CLSTN1: variants seen among roughly 807,000 people sequenced by gnomAD.
The protein encoded by CLSTN1 is calsyntenin 1, also known as calsyntenin-1.
CLSTN1 carries 28 observed loss-of-function variants against 108.3 expected under a neutral mutation model. That is an observed-to-expected ratio of 0.26 (90% CI 0.19 to 0.35). The LOEUF is 0.35. Among genes scored for constraint, CLSTN1 ranks in the 10% least tolerant of loss-of-function variants. The pLI, the probability that CLSTN1 is intolerant of heterozygous loss-of-function variation, is 1.00. For missense variants in CLSTN1, 1,157 were observed against 1,302.6 expected (o/e 0.89, Z 1.72); for synonymous variants, 524 against 534.9 (o/e 0.98, Z 0.28).
intron 7 of CLSTN1, among the ~76,000 whole-genome samples, chr1:9,745,766 T>G (rs1376626973): frequency 1.4e-5 from 1 of 73,316 alleles, no homozygotes; most frequent in Non-Finnish European, 2.3e-5. Flanking sequence ...TGAATAGTTG[T>G]TTTTTTTTTT....
At position 9,784,983 on chromosome 1, in the gene CLSTN1, C is replaced by G. The variant is rs148984233; in HGVS notation, c.92-11589G>C. Among the ~76,000 whole-genome samples, 713 of 151,162 alleles carry G rather than the reference C, an allele frequency of 4.7e-3. 3 individuals carry two copies. Among genetic ancestry groups the G allele is most frequent in the African/African-American group, 0.016 (639 of 41,114 alleles). Reference sequence around the variant, plus strand: ...ATCTCTGGGTCTCTAAGTATTGTCCCTAGTCATAAATTCTTTTTTTTTTTT... The same window carrying G: ...ATCTCTGGGTCTCTAAGTATTGTCCGTAGTCATAAATTCTTTTTTTTTTTT... On this transcript the variant is annotated intron_variant, in intron 1 of 18. Coordinates refer to ENST00000377298, the MANE Select transcript of CLSTN1 (RefSeq NM_001009566.3).
chr1:9,756,509 C>T lies in CLSTN1; in HGVS notation c.216G>A (p.Glu72=). The T allele has an allele frequency of 6.2e-7, 1 of 1,612,494 alleles. No individual in the cohort carries two copies. The part of the protein sequence containing the change: ...LDKDAPLRFA[E]SFEVTVTKEG... ...CTTTGGTGACTGTCACCTCAAAACT[C>T]TCTAAAGGGAGAAAAGATAAGCCCA... The change falls in exon 3 of 19, where the codon GAG becomes GAA. Residue 72 remains glutamate (E), a splice_region_variant and synonymous_variant. Transcript: ENST00000377298.
intron 7 of CLSTN1, among the ~76,000 whole-genome samples, chr1:9,744,985 C>T (rs1297586612): frequency 6.6e-6 from 1 of 152,194 alleles, no homozygotes; most frequent in East Asian, 1.9e-4. Flanking sequence ...AACTCCTGAC[C>T]TCGTGATCCG....
At chr1:9,767,463 T>C (rs1005054890) in intron 2 of CLSTN1, among the ~76,000 whole-genome samples, 66 of 150,912 alleles carry the variant, frequency 4.4e-4, no homozygotes, top group Admixed American at 1.6e-3. Flanking sequence ...GAGAATTGCT[T>C]GAACCCAGGA....
intron 4 of CLSTN1, among the ~76,000 whole-genome samples, 180 bp downstream of exon 4, chr1:9,754,934 G>A (rs1223389833): frequency 1.3e-5 from 2 of 152,128 alleles, no homozygotes; most frequent in African/African-American, 2.4e-5. Flanking sequence ...TGTATACAAG[G>A]GTAGAGAGAC....
At chr1:9,810,098 A>G (rs2101312018) in intron 1 of CLSTN1, among the ~76,000 whole-genome samples, 1 of 2,546 alleles carries the variant, frequency 3.9e-4, no homozygotes, top group Non-Finnish European at 8.3e-4. Context: ...GGAAGGAGGG[A>G]GGGAGGGAGA....
chr1:9,811,629 A>G (rs761305113), intron 1 of CLSTN1, among the ~76,000 whole-genome samples: 4 of 151,998 alleles, frequency 2.6e-5, no homozygotes, highest in Non-Finnish European at 4.4e-5. Context: ...TGTTCCTTTA[A>G]TAATTTTAGC....
chr1:9,778,223 A>AACACACACACACAC lies in CLSTN1; in HGVS notation c.92-4843_92-4830dup, dbSNP rs57372437. On this transcript the variant is annotated intron_variant, in intron 1 of 18. Transcript: ENST00000377298. ...GGTGGTGGTGTTATTTCTCCTCCCCAACACACACACACACACACACACACA... is the reference window on the plus strand; with the variant it reads ...GGTGGTGGTGTTATTTCTCCTCCCCAACACACACACACACACACACACACACACACACACACACA... 1.1e-3 allele frequency among the ~76,000 whole-genome samples: 144 copies of AACACACACACACAC among 134,502 alleles called. 2 individuals are homozygous for AACACACACACACAC. The highest frequency in any genetic ancestry group is 2.1e-3 in the African/African-American group (75 of 36,052). The allele number at this position is 134,502 out of a possible 152,430, so 88.2% of individuals were successfully genotyped here.
intron 1 of CLSTN1, among the ~76,000 whole-genome samples, chr1:9,817,455 G>A (rs1035107234): frequency 3.3e-5 from 5 of 151,996 alleles, no homozygotes; most frequent in Admixed American, 3.3e-4. Context: ...AGCCTCCCGA[G>A]TAGCTGGGAT....
rs186533239 is a variant in CLSTN1, at chr1:9,751,607, G to T, written c.515C>A (p.Thr172Lys). 5.0e-6 allele frequency: 8 copies of T among 1,614,158 alleles called. No individual in the cohort carries two copies. In the East Asian group the frequency reaches 6.7e-5, roughly 13 times the overall value. The change falls in exon 5 of 19, where the codon ACG becomes AAG. Residue 172 changes from threonine to lysine, a missense_variant. Transcript: ENST00000377298. ...GTCGTACTGCTTCCCCTCGATGACC[G>T]TGGCTTTGTAGGACTTCTCCTTGAA... ...PVFKEKSYKA[T>K]VIEGKQYDSI...
chr1:9,794,798 C>A (rs1341414318), intron 1 of CLSTN1, among the ~76,000 whole-genome samples: 2 of 151,498 alleles, frequency 1.3e-5, no homozygotes, highest in South Asian at 2.2e-4. Context: ...CATCCTTAAT[C>A]AAAACATAAC....
intron 16 of CLSTN1, among the ~76,000 whole-genome samples, chr1:9,732,227 G>A (rs930841113): frequency 2.0e-5 from 3 of 151,974 alleles, no homozygotes; most frequent in African/African-American, 7.3e-5. Context: ...TTGCTGTGTT[G>A]CCCGGGCTGG....
chr1:9,765,465 T>C (rs1190810840), intron 2 of CLSTN1, among the ~76,000 whole-genome samples: 1 of 151,420 alleles, frequency 6.6e-6, no homozygotes. Flanking sequence ...AGGGGGATCT[T>C]GAGGTCAAGA....
chr1:9,785,565 C>T (rs1206839333), intron 1 of CLSTN1, among the ~76,000 whole-genome samples: 4 of 152,120 alleles, frequency 2.6e-5, no homozygotes, highest in Non-Finnish European at 5.9e-5. Context: ...AGCAGCATCC[C>T]GGCCTCAAAA....
chr1:9,733,979 G>A lies in CLSTN1; in HGVS notation c.2274C>T (p.Thr758=). 2 of 1,613,234 alleles carry A rather than the reference G, an allele frequency of 1.2e-6. No individual in the cohort carries two copies. The highest frequency in any genetic ancestry group is 8.5e-7 in the Non-Finnish European group (1 of 1,179,616). ...IEVSSSELGM[T]FTGVDTMASY... The stretch of plus-strand genomic sequence containing the variant: ...CTGCAGCGCTCCCCTTACCTGTGAA[G>A]GTCATGCCCAGTTCAGAGCTGCTCA... Residue 758 remains threonine (T), a synonymous_variant, in exon 15 of 19, where the codon ACC becomes ACT. Transcript: ENST00000377298.
chr1:9,766,293 ATCT>A (rs1652327857), intron 2 of CLSTN1, among the ~76,000 whole-genome samples: 1 of 152,206 alleles, frequency 6.6e-6, no homozygotes, highest in African/African-American at 2.4e-5. Flanking sequence ...AGAATGCATC[ATCT>A]TCAAGGCCCC....
chr1:9,758,933 A>G (rs1173777606), intron 2 of CLSTN1, among the ~76,000 whole-genome samples: 1 of 152,162 alleles, frequency 6.6e-6, no homozygotes, highest in East Asian at 1.9e-4. Flanking sequence ...CTAACATGGC[A>G]GCCACTAGCC....
At chr1:9,779,327 C>G (rs1376323382) in intron 1 of CLSTN1, among the ~76,000 whole-genome samples, 4 of 152,148 alleles carry the variant, frequency 2.6e-5, no homozygotes, top group Admixed American at 2.6e-4. Flanking sequence ...AATCCCAGCA[C>G]CTTGGGAGGT....
chr1:9,775,703 A>T (rs538997909), intron 1 of CLSTN1, among the ~76,000 whole-genome samples: 1 of 152,276 alleles, frequency 6.6e-6, no homozygotes, highest in African/African-American at 2.4e-5. Flanking sequence ...GATTAAGCTG[A>T]TCTGAAAAGA....
Sources: allele counts gnomAD v4.1 joint callset (sites outside exome capture counted in the v4.1 genomes callset), GRCh38; gene constraint gnomAD v4.1.1; transcripts MANE v1.5; gene names NCBI Gene and HGNC (gene_info 2026-07-23, HGNC 2026-07-21).